The following DGKI variants were observed in gnomAD, a reference collection of about 807,000 sequenced individuals.
The protein encoded by DGKI is DAG kinase iota.
DGKI carries 55 observed loss-of-function variants against 147.5 expected under a neutral mutation model. That is an observed-to-expected ratio of 0.37 (90% confidence interval 0.30 to 0.47). The LOEUF is 0.47. Among genes scored for constraint, DGKI ranks in the 20% least tolerant of loss-of-function variants. DGKI has a pLI of 1.00. For missense variants in DGKI, 1,007 were observed against 1,323.8 expected, an observed-to-expected ratio of 0.76 and a Z score of 3.71; for synonymous variants, 469 against 477.1, an observed-to-expected ratio of 0.98 and a Z score of 0.22.
At chr7:137,455,780 T>C (rs1585131232) in intron 27 of DGKI, among the ~76,000 whole-genome samples, 1 of 151,920 alleles carries the variant, frequency 6.6e-6, no homozygotes, top group African/African-American at 2.4e-5. Flanking sequence ...AGAAGTCCCA[T>C]GCCCGATATG....
At chr7:137,719,619 C>T (rs1488463168) in intron 1 of DGKI, among the ~76,000 whole-genome samples, 1 of 152,122 alleles carries the variant, frequency 6.6e-6, no homozygotes, top group Non-Finnish European at 1.5e-5. Flanking sequence ...TCAGAATCAC[C>T]TGGGTGCTTG....
chr7:137,631,087 CAT>C (rs1821107630), intron 6 of DGKI, among the ~76,000 whole-genome samples: 1 of 152,196 alleles, frequency 6.6e-6, no homozygotes, highest in Non-Finnish European at 1.5e-5. Flanking sequence ...AGCCACCTAA[CAT>C]ATAATCTTGC....
chr7:137,833,502 T>G (rs2117078743), intron 1 of DGKI, among the ~76,000 whole-genome samples: 1 of 152,278 alleles, frequency 6.6e-6, no homozygotes, highest in South Asian at 2.1e-4. Context: ...TACCTCCCAC[T>G]GGGTCCCTCC....
intron 1 of DGKI, among the ~76,000 whole-genome samples, chr7:137,751,949 A>G (rs1381988786): frequency 1.3e-5 from 2 of 152,232 alleles, no homozygotes; most frequent in African/African-American, 4.8e-5. Flanking sequence ...GCATCACTTT[A>G]TTAATTATGT....
chr7:137,787,159 G>T (rs973884265), intron 1 of DGKI, among the ~76,000 whole-genome samples: 1 of 152,060 alleles, frequency 6.6e-6, no homozygotes, highest in Non-Finnish European at 1.5e-5. Context: ...CACAGCAAAA[G>T]AAATAATTAG....
At chr7:137,512,848 T>C (rs1320025218) in intron 21 of DGKI, among the ~76,000 whole-genome samples, 1 of 152,160 alleles carries the variant, frequency 6.6e-6, no homozygotes, top group Non-Finnish European at 1.5e-5. Context: ...CAAAAAAGTT[T>C]ATATTAATAA....
At chr7:137,844,313 T>G (rs1450891007) in intron 1 of DGKI, among the ~76,000 whole-genome samples, 10 of 152,224 alleles carry the variant, frequency 6.6e-5, no homozygotes, top group Admixed American at 2.0e-4. Flanking sequence ...CCTCTGACTT[T>G]GAGACTGACT....
At chr7:137,399,787 G>A (rs1265209608) in intron 30 of DGKI, among the ~76,000 whole-genome samples, 1 of 152,024 alleles carries the variant, frequency 6.6e-6, no homozygotes, top group Non-Finnish European at 1.5e-5. Context: ...GTGTGTGCCT[G>A]TAATCCCATC....
At chr7:137,677,849 T>A (rs961070994) in intron 3 of DGKI, among the ~76,000 whole-genome samples, 1 of 152,218 alleles carries the variant, frequency 6.6e-6, no homozygotes, top group Non-Finnish European at 1.5e-5. Flanking sequence ...GGACCAATCA[T>A]TTAAAACTAC....
intron 27 of DGKI, 103 bp downstream of exon 27, chr7:137,463,386 G>A (rs1021539764): frequency 1.7e-5 from 26 of 1,485,852 alleles, no homozygotes; most frequent in African/African-American, 1.3e-4. Context: ...CAGCCTGAGC[G>A]CCATTGAAAA....
At chr7:137,542,162 T>G (rs1817724470) in intron 20 of DGKI, among the ~76,000 whole-genome samples, 1 of 152,194 alleles carries the variant, frequency 6.6e-6, no homozygotes, top group African/African-American at 2.4e-5. Flanking sequence ...CATATATTGC[T>G]GGTAGAAATG....
In DGKI at chr7:137,572,782, T is replaced by C; in HGVS notation, c.1818A>G (p.Val606=). Residue 606 remains valine (V), a synonymous_variant, in exon 18 of 33, where the codon GTA becomes GTG. Transcript: ENST00000614521. ...KIQELKFQCI[V]FLNIPRYCAG... is the part of the protein sequence containing the mutation. ...GAGCCTACCTGGGTATATTTAAAAA[T>C]ACTATACACTGGAACTTCAGTTCCT... 2 of 1,609,796 alleles carry C rather than the reference T, an allele frequency of 1.2e-6. No individual in the cohort carries two copies. The highest frequency in any genetic ancestry group is 2.2e-5 in the South Asian group (2 of 90,344).
chr7:137,745,262 G>A (rs1795289228), intron 1 of DGKI, among the ~76,000 whole-genome samples: 2 of 152,148 alleles, frequency 1.3e-5, no homozygotes. Context: ...TTATGTAGAT[G>A]GAAGGCAGTG....
intron 19 of DGKI, among the ~76,000 whole-genome samples, chr7:137,562,793 T>C (rs1818460998): frequency 6.6e-6 from 1 of 151,872 alleles, no homozygotes. Flanking sequence ...CTTAAAGAAA[T>C]CTCAAAGCCA....
chr7:137,520,234 T>C (rs990775887), intron 21 of DGKI, among the ~76,000 whole-genome samples: 2 of 152,032 alleles, frequency 1.3e-5, no homozygotes, highest in African/African-American at 2.4e-5. Context: ...TTCTTCAGAG[T>C]TGATCGTAAG....
chr7:137,617,602 A>G (rs1012526676), intron 8 of DGKI, among the ~76,000 whole-genome samples: 4 of 152,032 alleles, frequency 2.6e-5, no homozygotes, highest in Non-Finnish European at 1.5e-5. Flanking sequence ...GGGGGATTCC[A>G]CTTCCAGGAA....
At chr7:137,466,479 CA>C (rs1585141129) in intron 25 of DGKI, among the ~76,000 whole-genome samples, 1 of 138,818 alleles carries the variant, frequency 7.2e-6, no homozygotes, top group Admixed American at 6.7e-5. Context: ...TTAACTTGGG[CA>C]AAACCATTTT....
rs886223342 is a variant in DGKI at position 137,395,482 on chromosome 7, G to T, written c.3057+116C>A. On this transcript the variant is annotated intron_variant, in intron 32 of 32. Coordinates refer to ENST00000614521, the MANE Select transcript of DGKI (RefSeq NM_001321708.2). ...TCTATTTTTTCCTCCTTTTTCCAAA[G>T]CCCCAGGCACTTCCATAAGCACAGA... is the stretch of plus-strand genomic sequence containing the variant. The T allele has an allele frequency of 5.5e-6, 5 of 909,982 alleles. No homozygotes were observed. In the Admixed American group the frequency reaches 1.1e-4, roughly 21 times the overall value. The allele number at this position is 909,982 out of a possible 1,614,324, so 56.4% of individuals were successfully genotyped here.
chr7:137,474,886 GTT>G (rs1815116503), intron 23 of DGKI, among the ~76,000 whole-genome samples: 1 of 152,168 alleles, frequency 6.6e-6, no homozygotes, highest in Admixed American at 6.5e-5. Flanking sequence ...GTGTAGGATA[GTT>G]TCTTATCCAG....
Sources: gnomAD v4.1 joint callset for allele counts (sites outside exome capture counted in the v4.1 genomes callset) on GRCh38, gnomAD v4.1.1 for gene constraint, MANE v1.5 for transcripts, NCBI Gene and HGNC (gene_info 2026-07-23, HGNC 2026-07-21) for gene names.